The following RYR2 variants were observed in gnomAD, a reference collection of about 807,000 sequenced individuals.
RYR2 encodes ryanodine receptor 2, also known as cardiac muscle ryanodine receptor-calcium release channel.
In RYR2, 227 loss-of-function variants were observed where a neutral mutation model predicts 601.1. That is an observed-to-expected ratio of 0.38 (90% CI 0.34 to 0.42). RYR2 has a LOEUF of 0.42. Among genes scored for constraint, RYR2 ranks in the 10% least tolerant of loss-of-function variants. The pLI, the probability that RYR2 is intolerant of heterozygous loss-of-function variation, is 1.00. For synonymous variants in RYR2, 2,223 were observed against 2,175.1 expected, an observed-to-expected ratio of 1.02 and a Z score of -0.61; for missense variants, 4,646 against 6,156.5, an observed-to-expected ratio of 0.75 and a Z score of 8.21.
intron 1 of RYR2, among the ~76,000 whole-genome samples, chr1:237,181,070 A>T (rs181601656): frequency 1.5e-4 from 23 of 151,574 alleles, no homozygotes; most frequent in Admixed American, 1.4e-3. Flanking sequence ...TGCAACCTCC[A>T]CCTCCCGGGT....
Position 237,097,225 on chromosome 1 carries a change from A to G in RYR2, c.48+54656A>G, listed in dbSNP as rs116792009. Reference sequence around the variant, plus strand: ...GAGAGTGGAATTCTTTAGAGCTGCCAGATTGACCTTTTCCATCAACCACTA... The same window carrying G: ...GAGAGTGGAATTCTTTAGAGCTGCCGGATTGACCTTTTCCATCAACCACTA... On this transcript the variant is annotated intron_variant, in intron 1 of 104. Transcript: ENST00000366574. 6.7e-3 allele frequency among the ~76,000 whole-genome samples: 1,020 copies of G among 152,340 alleles called. 11 individuals carry two copies. Among genetic ancestry groups the G allele is most frequent in the African/African-American group, 0.022 (923 of 41,582 alleles).
chr1:237,442,273 GTTC>G (rs1438575477), intron 13 of RYR2, among the ~76,000 whole-genome samples: 5 of 152,106 alleles, frequency 3.3e-5, no homozygotes, highest in Non-Finnish European at 5.9e-5. Context: ...TTTGGTCATG[GTTC>G]TTCTACTAGA....
intron 58 of RYR2, among the ~76,000 whole-genome samples, chr1:237,671,472 A>G (rs952565784): frequency 6.6e-6 from 1 of 151,634 alleles, no homozygotes; most frequent in Non-Finnish European, 1.5e-5. Flanking sequence ...GGTGGGAGGA[A>G]TCTGTCACCA....
intron 17 of RYR2, among the ~76,000 whole-genome samples, chr1:237,487,702 C>T (rs1662852272): frequency 1.3e-5 from 2 of 151,458 alleles, no homozygotes; most frequent in Non-Finnish European, 2.9e-5. Flanking sequence ...CAATGCTCTC[C>T]AGCCTGGGCA....
chr1:237,386,414 T>C (rs1264441110), intron 8 of RYR2, among the ~76,000 whole-genome samples: 1 of 152,188 alleles, frequency 6.6e-6, no homozygotes, highest in African/African-American at 2.4e-5. Context: ...TCAAGATTTC[T>C]GGGAAATTTC....
intron 6 of RYR2, among the ~76,000 whole-genome samples, chr1:237,370,261 C>G (rs1269366003): frequency 6.6e-6 from 1 of 152,066 alleles, no homozygotes; most frequent in Non-Finnish European, 1.5e-5. Flanking sequence ...ATCTCCTTCA[C>G]AGTAGGAAGT....
chr1:237,666,499 A>C lies in RYR2; in HGVS notation c.8437-13A>C. The C allele has an allele frequency of 6.2e-7, 1 of 1,606,968 alleles. No individual in the cohort carries two copies. Among genetic ancestry groups the C allele is most frequent in the Middle Eastern group, 1.7e-4 (1 of 6,054 alleles). On this transcript the variant is annotated splice_polypyrimidine_tract_variant and intron_variant, in intron 56 of 104. Transcript: ENST00000366574. ...TTTTAATGAGGCACTGTTTTTTCAC[A>C]CAAATGATCTAGGTTTCTGTGGACG...
chr1:237,250,164 G>A (rs956674062), intron 1 of RYR2, among the ~76,000 whole-genome samples: 5 of 152,164 alleles, frequency 3.3e-5, no homozygotes, highest in Admixed American at 3.3e-4. Flanking sequence ...TTAACAGCTG[G>A]GGAGACGGGC....
intron 1 of RYR2, among the ~76,000 whole-genome samples, chr1:237,238,400 C>T (rs1021297268): frequency 6.6e-6 from 1 of 152,170 alleles, no homozygotes; most frequent in Non-Finnish European, 1.5e-5. Context: ...TGATTGAGGT[C>T]CTTCTGTAAC....
intron 1 of RYR2, among the ~76,000 whole-genome samples, chr1:237,163,358 C>CCCCCCA (rs1465493168): frequency 7.4e-6 from 1 of 135,044 alleles, no homozygotes; most frequent in African/African-American, 2.7e-5. Flanking sequence ...ACCCCCTACC[C>CCCCCCA]CCCCCACCCC....
At chr1:237,579,308 C>T (rs7556030) in intron 29 of RYR2, among the ~76,000 whole-genome samples, 43,796 of 136,456 alleles carry the variant, frequency 0.32, 7,039 homozygotes, top group East Asian at 0.63. Flanking sequence ...CCAGGCTGGA[C>T]TGCAGTGGCG....
chr1:237,670,946 T>C (rs1173605315), intron 58 of RYR2, among the ~76,000 whole-genome samples: 2 of 152,230 alleles, frequency 1.3e-5, no homozygotes, highest in African/African-American at 4.8e-5. Context: ...TAAATAAGCA[T>C]GATAGAAAAT....
At chr1:237,228,432 A>G (rs1331469074) in intron 1 of RYR2, among the ~76,000 whole-genome samples, 4 of 152,088 alleles carry the variant, frequency 2.6e-5, no homozygotes, top group Non-Finnish European at 5.9e-5. Flanking sequence ...GCTGCTATTA[A>G]CATGCATGTG....
At chr1:237,686,357 A>G (rs1466343170) in intron 62 of RYR2, among the ~76,000 whole-genome samples, 1 of 151,952 alleles carries the variant, frequency 6.6e-6, no homozygotes, top group Non-Finnish European at 1.5e-5. Context: ...ATTGGTAGAG[A>G]TTTGCAAATG....
rs538173870 is a variant in RYR2 at position 237,530,111 on chromosome 1, A to T, written c.2823-316A>T. 1.4e-4 allele frequency among the ~76,000 whole-genome samples: 21 copies of T among 152,162 alleles called. No individual in the cohort carries two copies. The East Asian group carries it at 3.7e-3, about 27-fold the overall frequency. Reference sequence around the variant, plus strand: ...TGGATCACGAGGTCAGGAGATCGAGACCATCCTGGCTAACACGGTGAAACC... The same window carrying T: ...TGGATCACGAGGTCAGGAGATCGAGTCCATCCTGGCTAACACGGTGAAACC... On this transcript the variant is annotated intron_variant, in intron 24 of 104. Transcript: ENST00000366574.
chr1:237,764,135 G>T, intron 84 of RYR2, among the ~76,000 whole-genome samples: 1 of 152,162 alleles, frequency 6.6e-6, no homozygotes, highest in East Asian at 1.9e-4. Context: ...CATGGAAAAC[G>T]TATAAGCTCA....
rs1688011604 is a variant in RYR2 at position 237,702,044 on chromosome 1, G to C, written c.9434G>C (p.Ser3145Thr). ...TTATATGCTTTGGGAACCAGCAAGA[G>C]TATTTACGTGGAGAGGTAAGAATGT... ...TSLYALGTSKSIYVERQRSAL... is the reference protein window; with the variant it reads ...TSLYALGTSKTIYVERQRSAL... Residue 3145 changes from serine (S) to threonine (T), a missense_variant, in exon 66 of 105, where the codon AGT (serine) becomes ACT (threonine). Physicochemically the swap from Ser to Thr is moderately conservative, Grantham distance 58 (BLOSUM62 1). Coordinates refer to ENST00000366574, the MANE Select transcript of RYR2 (RefSeq NM_001035.3). The C allele has an allele frequency of 4.4e-6, 7 of 1,592,690 alleles. No individual in the cohort carries two copies. In the South Asian group the frequency reaches 6.6e-5, roughly 15 times the overall value.
At chr1:237,550,497 A>T (rs773122878) in intron 26 of RYR2, 47 bp from the exon 27 acceptor site, 80 of 1,581,946 alleles carry the variant, frequency 5.1e-5, no homozygotes, top group Non-Finnish European at 6.4e-5. Context: ...TTATTTCTAA[A>T]AGCCCTTGGT....
chr1:237,772,663 C>T (rs1272335746), intron 86 of RYR2, among the ~76,000 whole-genome samples: 2 of 151,954 alleles, frequency 1.3e-5, no homozygotes, highest in African/African-American at 2.4e-5. Flanking sequence ...ACTTTTTTCC[C>T]CTCATTTTAT....
Sources: gnomAD v4.1 joint callset for allele counts (sites outside exome capture counted in the v4.1 genomes callset) on GRCh38, gnomAD v4.1.1 for gene constraint, MANE v1.5 for transcripts, NCBI Gene and HGNC (gene_info 2026-07-23, HGNC 2026-07-21) for gene names.